Variants in MCTP1 observed in about 807,000 individuals in gnomAD.
MCTP1 encodes the protein multiple C2 and transmembrane domain containing 1.
MCTP1 carries 69 observed loss-of-function variants against 120.6 expected under a neutral mutation model. The observed-to-expected ratio is 0.57, with a 90% confidence interval of 0.47 to 0.70. MCTP1 has a LOEUF of 0.70. Among genes scored for constraint, MCTP1 ranks in the 30% least tolerant of loss-of-function variants. The pLI is 0.00. For missense variants in MCTP1, 1,203 were observed against 1,248.8 expected (o/e 0.96, Z 0.55); for synonymous variants, 529 against 493.1 (o/e 1.07, Z -0.96).
intron 1 of MCTP1, among the ~76,000 whole-genome samples, chr5:95,230,399 T>C (rs942117431): frequency 1.3e-5 from 2 of 152,176 alleles, no homozygotes; most frequent in Non-Finnish European, 2.9e-5. Context: ...GGGGCTGATA[T>C]GAAACCAGGC....
In MCTP1 at chr5:94,705,033, G is replaced by A. The variant is rs1754217847; in HGVS notation, c.*2463C>T. 6.6e-6 allele frequency: 1 copy of A among 151,246 alleles called. No homozygotes were observed. The highest frequency in any genetic ancestry group is 1.5e-5 in the Non-Finnish European group (1 of 67,570). 9.4% of individuals were successfully genotyped at this position (151,246 alleles called of 1,614,324 possible). Reference sequence around the variant, plus strand: ...GTTTATGAATATAAATAATGACTCAGTGAATTTACTCACTAAAAGATACTA... The same window carrying A: ...GTTTATGAATATAAATAATGACTCAATGAATTTACTCACTAAAAGATACTA... On this transcript the variant is annotated 3_prime_UTR_variant, in exon 23 of 23. Transcript: ENST00000515393.
intron 1 of MCTP1, among the ~76,000 whole-genome samples, chr5:95,017,696 A>G (rs576334809): frequency 6.6e-6 from 1 of 152,258 alleles, no homozygotes; most frequent in Non-Finnish European, 1.5e-5. Context: ...AGTTACAGAA[A>G]TGTCCTGTTT....
At chr5:94,756,831 G>A (rs1770006919) in intron 19 of MCTP1, among the ~76,000 whole-genome samples, 1 of 151,948 alleles carries the variant, frequency 6.6e-6, no homozygotes, top group Non-Finnish European at 1.5e-5. Context: ...TTTTTGTATA[G>A]GATTGTGCAT....
chr5:95,154,687 G>A (rs1165635963), intron 1 of MCTP1, among the ~76,000 whole-genome samples: 4 of 152,112 alleles, frequency 2.6e-5, no homozygotes, highest in Admixed American at 6.6e-5. Flanking sequence ...TGCCTAAAAT[G>A]CCTACATGAA....
At chr5:95,093,470 T>C (rs922147219) in intron 1 of MCTP1, among the ~76,000 whole-genome samples, 10 of 152,144 alleles carry the variant, frequency 6.6e-5, no homozygotes, top group African/African-American at 2.4e-4. Context: ...ATAACTTGTT[T>C]CTTCACTTCA....
chr5:95,035,642 G>A (rs1329279525), intron 1 of MCTP1, among the ~76,000 whole-genome samples: 1 of 151,962 alleles, frequency 6.6e-6, no homozygotes, highest in Non-Finnish European at 1.5e-5. Flanking sequence ...TGGGTGATAG[G>A]TTCACTAGAA....
chr5:95,094,007 C>G (rs572502175), intron 1 of MCTP1, among the ~76,000 whole-genome samples: 31 of 152,330 alleles, frequency 2.0e-4, no homozygotes, highest in Middle Eastern at 6.8e-3. Flanking sequence ...CACCACTTTT[C>G]AGGTGTTTGA....
At position 95,244,667 on chromosome 5, in the gene MCTP1, G is replaced by A. The variant is rs577915189; in HGVS notation, c.720+39189C>T. Among the ~76,000 whole-genome samples, 9 of 152,328 alleles carry A rather than the reference G, an allele frequency of 5.9e-5. No individual in the cohort carries two copies. In the South Asian group the frequency reaches 1.9e-3, roughly 32 times the overall value. Reference sequence around the variant, plus strand: ...TGCTGAGGCTTAAGTAGCTCACAGTGTAAACCAAGCTGCTGGGAAGCATGA... The same window carrying A: ...TGCTGAGGCTTAAGTAGCTCACAGTATAAACCAAGCTGCTGGGAAGCATGA... On this transcript the variant is annotated intron_variant, in intron 1 of 22. Transcript: ENST00000515393.
chr5:95,162,992 C>T (rs1052851097), intron 1 of MCTP1, among the ~76,000 whole-genome samples: 1 of 151,910 alleles, frequency 6.6e-6, no homozygotes, highest in African/African-American at 2.4e-5. Context: ...TGAACAAGTC[C>T]GTGTGATGCA....
intron 2 of MCTP1, among the ~76,000 whole-genome samples, chr5:94,971,711 G>A (rs558303963): frequency 1.2e-4 from 18 of 152,242 alleles, no homozygotes; most frequent in African/African-American, 3.9e-4. Flanking sequence ...GTGATGTGAG[G>A]TCGAAGGAGA....
intron 1 of MCTP1, among the ~76,000 whole-genome samples, chr5:95,219,633 A>G (rs1256741403): frequency 2.6e-5 from 4 of 152,238 alleles, no homozygotes; most frequent in Admixed American, 2.6e-4. Context: ...TGGACCACAC[A>G]GAGCCATCCC....
chr5:94,728,243 C>A (rs1456977542), intron 19 of MCTP1, among the ~76,000 whole-genome samples: 6 of 152,058 alleles, frequency 3.9e-5, no homozygotes, highest in Admixed American at 1.3e-4. Flanking sequence ...GAATCAATTT[C>A]AAAAATGGCT....
At chr5:95,050,025 T>TGACCTCTACCCCCGTTAGGC (rs1745489462) in intron 1 of MCTP1, among the ~76,000 whole-genome samples, 1 of 151,954 alleles carries the variant, frequency 6.6e-6, no homozygotes, top group Non-Finnish European at 1.5e-5. Context: ...ATGTGTTAGG[T>TGACCTCTACCCCCGTTAGGC]GACCTCTACC....
chr5:95,174,140 G>A (rs2152502441), intron 1 of MCTP1, among the ~76,000 whole-genome samples: 1 of 152,018 alleles, frequency 6.6e-6, no homozygotes, highest in Admixed American at 6.5e-5. Flanking sequence ...GCTAGGGGAG[G>A]GGCATGATAA....
intron 2 of MCTP1, among the ~76,000 whole-genome samples, chr5:95,013,113 T>C (rs1419282745): frequency 5.9e-5 from 9 of 152,094 alleles, no homozygotes; most frequent in Non-Finnish European, 1.2e-4. Context: ...GTGGTCTGGA[T>C]AGAAGATCAA....
At chr5:95,210,113 A>G (rs1253507500) in intron 1 of MCTP1, among the ~76,000 whole-genome samples, 1 of 152,062 alleles carries the variant, frequency 6.6e-6, no homozygotes, top group Admixed American at 6.6e-5. Flanking sequence ...TCAATTTTGG[A>G]ATAGGTGTGG....
At chr5:94,845,968 C>T (rs1358586677) in intron 17 of MCTP1, among the ~76,000 whole-genome samples, 2 of 152,112 alleles carry the variant, frequency 1.3e-5, no homozygotes, top group Non-Finnish European at 2.9e-5. Flanking sequence ...TCACACCAGT[C>T]AGAATGGCTA....
intron 1 of MCTP1, among the ~76,000 whole-genome samples, chr5:95,191,819 C>A (rs1749857722): frequency 6.6e-6 from 1 of 151,958 alleles, no homozygotes; most frequent in African/African-American, 2.4e-5. Context: ...CTATTGCACA[C>A]CAATATTTTC....
intron 17 of MCTP1, among the ~76,000 whole-genome samples, chr5:94,831,170 G>A (rs1253581240): frequency 6.6e-6 from 1 of 152,194 alleles, no homozygotes; most frequent in Non-Finnish European, 1.5e-5. Context: ...ATTGCCAATA[G>A]ATTGGAGACT....
Sources: allele counts gnomAD v4.1 joint callset (sites outside exome capture counted in the v4.1 genomes callset), GRCh38; gene constraint gnomAD v4.1.1; transcripts MANE v1.5; gene names NCBI Gene and HGNC (gene_info 2026-07-23, HGNC 2026-07-21).